Variants in EIF2B4 observed in about 807,000 individuals in gnomAD.
EIF2B4 encodes translation initiation factor eIF2B subunit delta.
EIF2B4 carries 34 observed loss-of-function variants against 66.7 expected under a neutral mutation model. That is an observed-to-expected ratio of 0.51 (90% CI 0.39 to 0.68). EIF2B4 has a LOEUF of 0.68. EIF2B4 is among the 30% of genes least tolerant of loss of function. The pLI, the probability that EIF2B4 is intolerant of heterozygous loss-of-function variation, is 0.00. For missense variants in EIF2B4, 618 were observed against 657.9 expected (o/e 0.94, Z 0.66); for synonymous variants, 278 against 253.6 (o/e 1.10, Z -0.92).
chr2:27,364,632 C>G, intron 12 of EIF2B4, 33 bp from the exon 13 acceptor site: 1 of 1,614,124 alleles, frequency 6.2e-7, no homozygotes. Context: ...TATGTTCTTT[C>G]AGAAAAGAAG....
At chr2:27,368,319 A>G in intron 6 of EIF2B4, 53 bp downstream of exon 6, 2 of 1,510,400 alleles carry the variant, frequency 1.3e-6, no homozygotes, top group African/African-American at 2.7e-5. Flanking sequence ...TTCAATACTG[A>G]CTTACTAAAA....
rs1412145894 is a variant in EIF2B4, at chr2:27,369,553, A to G, written c.76-4T>C. On this transcript the variant is annotated splice_polypyrimidine_tract_variant and splice_region_variant and intron_variant, in intron 2 of 12. Coordinates refer to ENST00000347454, the MANE Select transcript of EIF2B4 (RefSeq NM_001034116.2). ...TGGTCATTTCCCTCCCCACTGCCTG[A>G]GACACAGACATAGGATACTGCTCTT... 6.2e-7 allele frequency: 1 copy of G among 1,614,072 alleles called. No homozygotes were observed. Among genetic ancestry groups the G allele is most frequent in the Non-Finnish European group, 8.5e-7 (1 of 1,180,030 alleles).
intron 11 of EIF2B4, 184 bp from the exon 12 acceptor site, chr2:27,365,082 G>T: frequency 3.2e-6 from 2 of 633,994 alleles, no homozygotes; most frequent in Non-Finnish European, 5.3e-6. Context: ...TTGAGATGAA[G>T]TTCTGCTCTT....
intron 11 of EIF2B4, 158 bp from the exon 12 acceptor site, chr2:27,365,056 T>A: frequency 1.6e-4 from 13 of 81,612 alleles, no homozygotes; most frequent in East Asian, 3.0e-4. Flanking sequence ...GTAATAAATC[T>A]TTTTTTTTTT....
intron 4 of EIF2B4, 134 bp from the exon 5 acceptor site, chr2:27,368,867 G>A: frequency 4.9e-6 from 7 of 1,415,674 alleles, no homozygotes; most frequent in Non-Finnish European, 6.9e-6. Context: ...AAGGAAATAG[G>A]GATAGGATAA....
chr2:27,367,458 T>A lies in EIF2B4; in HGVS notation c.884A>T (p.Glu295Val). The change falls in exon 9 of 13, where the codon GAG becomes GTG. Residue 295 changes from glutamate to valine, a missense_variant and splice_region_variant. Transcript: ENST00000347454. ...TSVGSSKREE[E>V]AKSELRAAID... ...TTCCTTATTTCTCATACTCATCACC[T>A]CCTCTTCCCGCTTGGAACTGCCCAC... 6.2e-7 allele frequency: 1 copy of A among 1,614,056 alleles called. No homozygotes were observed. The highest frequency in any genetic ancestry group is 8.5e-7 in the Non-Finnish European group (1 of 1,180,004).
chr2:27,368,961 GTTATAA>G (rs750669369), intron 4 of EIF2B4, 39 bp downstream of exon 4: 58 of 1,610,212 alleles, frequency 3.6e-5, no homozygotes, highest in Middle Eastern at 1.7e-4. Context: ...CTGAGCTGGC[GTTATAA>G]TTAGGAGTAA....
At chr2:27,368,488 C>T (rs373303281) in intron 5 of EIF2B4, 25 bp from the exon 6 acceptor site, 56 of 1,598,248 alleles carry the variant, frequency 3.5e-5, no homozygotes, top group Non-Finnish European at 4.8e-5. Flanking sequence ...GGAACAGGAC[C>T]AATGGCCCAG....
At position 27,369,315 on chromosome 2, in the gene EIF2B4, T is replaced by C; in HGVS notation, c.211+99A>G. The C allele has an allele frequency of 2.5e-6, 4 of 1,609,350 alleles. No homozygotes were observed. The South Asian group carries it at 4.4e-5, about 18-fold the overall frequency. On this transcript the variant is annotated intron_variant, in intron 3 of 12. Transcript: ENST00000347454. ...TTGTAAACCTCTTTGCTTTACACAC[T>C]TGCTCAAATCAACTTTGTCCTGTCT...
rs753573267 is a variant in EIF2B4 at position 27,364,872 on chromosome 2, A to G, written c.1218T>C (p.His406=). The change falls in exon 12 of 13, where the codon CAT becomes CAC. Residue 406 remains histidine (H), a synonymous_variant. Coordinates refer to ENST00000347454, the MANE Select transcript of EIF2B4 (RefSeq NM_001034116.2). ...TCACAGACCCGTTGGCCAAGAGTGC[A>G]TGAGCTCCCAATAGCACCTTGGAAA... ...PEVSKVLLGA[H]ALLANGSVMS... The G allele has an allele frequency of 8.7e-6, 14 of 1,614,066 alleles. No individual in the cohort carries two copies. In the African/African-American group the frequency reaches 1.5e-4, roughly 17 times the overall value.
chr2:27,369,191 G>C lies in EIF2B4; in HGVS notation c.233C>G (p.Pro78Arg), dbSNP rs1256002593. 4.3e-6 allele frequency: 7 copies of C among 1,612,520 alleles called. No individual in the cohort carries two copies. The highest frequency in any genetic ancestry group is 2.2e-5 in the East Asian group (1 of 44,858). Residue 78 changes from proline (P) to arginine (R), a missense_variant, in exon 4 of 13, where the codon CCA becomes CGA. Physicochemically the swap from Pro to Arg is moderately radical, Grantham distance 103. Around this residue, in one of 4 missense-constraint regions of EIF2B4, gnomAD observed 506 missense variants for 511.9 expected, o/e 0.99. Transcript: ENST00000347454. ...QCQVGPTREL[P>R]ESGIQLGTPR... Reference sequence around the variant, plus strand: ...AGTGCCCAACTGAATGCCCGATTCTGGCAGTTCTCTGGTTGGGCCTACTAA... The same window carrying C: ...AGTGCCCAACTGAATGCCCGATTCTCGCAGTTCTCTGGTTGGGCCTACTAA...
rs1423170793 is a variant in EIF2B4, at chr2:27,367,560, C to CT, written c.783-2dup. ...CAGGGGACGGCACTGAGTCAGGAAG[C>CT]TATAATACAACAGCAATACCTTATA... On this transcript the variant is annotated splice_acceptor_variant, in intron 8 of 12. Transcript: ENST00000347454. LOFTEE classifies it high-confidence loss of function. 1 of 1,613,948 alleles carries CT rather than the reference C, an allele frequency of 6.2e-7. No homozygotes were observed. Among genetic ancestry groups the CT allele is most frequent in the Non-Finnish European group, 8.5e-7 (1 of 1,180,000 alleles).
At chr2:27,367,030 C>G (rs1163069625) in intron 10 of EIF2B4, 44 bp downstream of exon 10, 1 of 1,614,028 alleles carries the variant, frequency 6.2e-7, no homozygotes, top group Non-Finnish European at 8.5e-7. Context: ...TTCTTCAGAT[C>G]ATTCCAACTC....
chr2:27,368,152 C>T lies in EIF2B4; in HGVS notation c.591-13G>A, dbSNP rs751780070. 1.1e-5 allele frequency: 18 copies of T among 1,569,458 alleles called. No homozygotes were observed. Among genetic ancestry groups the T allele is most frequent in the Admixed American group, 1.9e-5 (1 of 53,688 alleles). ...AGAGGATGGGATGCTGATGGGATGGCGGTGTCACATACTTTGAAAGGGAGC... is the reference window on the plus strand; with the variant it reads ...AGAGGATGGGATGCTGATGGGATGGTGGTGTCACATACTTTGAAAGGGAGC... On this transcript the variant is annotated splice_polypyrimidine_tract_variant and intron_variant, in intron 6 of 12. Transcript: ENST00000347454.
Position 27,368,741 on chromosome 2 carries a change from A to G in EIF2B4, c.419-8T>C. ...CAGGGAGACGCTTCACTCCTGAAAG[A>G]TAATCATCATGTTTTCAGGACACTG... On this transcript the variant is annotated splice_polypyrimidine_tract_variant and splice_region_variant and intron_variant, in intron 4 of 12. Transcript: ENST00000347454. 1 of 1,613,722 alleles carries G rather than the reference A, an allele frequency of 6.2e-7. No homozygotes were observed. The highest frequency in any genetic ancestry group is 8.5e-7 in the Non-Finnish European group (1 of 1,179,584).
At chr2:27,368,332 C>A (rs535744717) in intron 6 of EIF2B4, 40 bp downstream of exon 6, 2 of 1,563,782 alleles carry the variant, frequency 1.3e-6, no homozygotes, top group South Asian at 2.2e-5. Flanking sequence ...TACTAAAACT[C>A]CTCAGACTCA....
rs1267699897 is a variant in EIF2B4 at position 27,364,837 on chromosome 2, A to G, written c.1253T>C (p.Val418Ala). 1 of 1,614,076 alleles carries G rather than the reference A, an allele frequency of 6.2e-7. No individual in the cohort carries two copies. Residue 418 changes from valine to alanine, a missense_variant, in exon 12 of 13, where the codon GTA becomes GCA. Val to Ala is a moderately conservative substitution (Grantham distance 64). Around this residue, in one of 4 missense-constraint regions of EIF2B4, gnomAD observed 36 missense variants for 65.5 expected, o/e 0.55. Transcript: ENST00000347454. ...CACCAGGGCTAACTGTGCTGTCCCT[A>G]CCCGTGACATCACAGACCCGTTGGC... The part of the protein sequence containing the change: ...LLANGSVMSR[V>A]GTAQLALVAR...
chr2:27,370,120 C>G lies in EIF2B4; in HGVS notation c.31+164G>C, dbSNP rs878959690. On this transcript the variant is annotated intron_variant, in intron 1 of 12. Coordinates refer to ENST00000347454, the MANE Select transcript of EIF2B4 (RefSeq NM_001034116.2). The stretch of plus-strand genomic sequence containing the variant: ...GGGTCACCGACCCTCCTCACAGCAA[C>G]CAGCCGGTGCGCGGCGCGGGACTGC... 5 of 1,520,114 alleles carry G rather than the reference C, an allele frequency of 3.3e-6. No homozygotes were observed. In the South Asian group the frequency reaches 5.0e-5, roughly 15 times the overall value. 94.2% of individuals were successfully genotyped at this position (1,520,114 alleles called of 1,614,324 possible). A position where few individuals can be genotyped will look rare whatever the true frequency, so the allele number is the denominator to read the frequency against.
rs886038381 is a variant in EIF2B4, at chr2:27,369,959, T to G, written c.32-40A>C. ...AGGGCACAAAGTGAGCCAGAGAGACTCCGGGAGGGTTTGGGGGCACGAGTA... is the reference window on the plus strand; with the variant it reads ...AGGGCACAAAGTGAGCCAGAGAGACGCCGGGAGGGTTTGGGGGCACGAGTA... On this transcript the variant is annotated intron_variant, in intron 1 of 12. Coordinates refer to ENST00000347454, the MANE Select transcript of EIF2B4 (RefSeq NM_001034116.2). 6.4e-7 allele frequency: 1 copy of G among 1,558,478 alleles called. No homozygotes were observed.
Sources: allele counts gnomAD v4.1 joint callset, GRCh38; gene constraint gnomAD v4.1.1; regional missense constraint gnomAD v4.1.1; transcripts MANE v1.5; gene names NCBI Gene and HGNC (gene_info 2026-07-23, HGNC 2026-07-21).